The following SIRT1 variants were observed in gnomAD, a reference collection of about 807,000 sequenced individuals.
SIRT1 encodes sirtuin 1, also known as NAD-dependent protein deacetylase sirtuin-1.
SIRT1 carries 24 observed loss-of-function variants against 67.9 expected under a neutral mutation model. That is an observed-to-expected ratio of 0.35 (90% confidence interval 0.26 to 0.50). The LOEUF is 0.50. Ranked by LOEUF, SIRT1 falls within the 20% of genes least tolerant of loss-of-function variation. The probability of loss-of-function intolerance (pLI) is 0.98; values close to 1 mark genes in which losing one functional copy is unlikely to be tolerated. For missense variants in SIRT1, 873 were observed against 937.2 expected, an observed-to-expected ratio of 0.93 and a Z score of 0.89; for synonymous variants, 378 against 350.7, an observed-to-expected ratio of 1.08 and a Z score of -0.87.
rs868722110 is a variant in SIRT1 at position 67,885,049 on chromosome 10, C to G, written c.328C>G (p.Pro110Ala). The change falls in exon 1 of 9, where the codon CCA (proline) becomes GCA (alanine). Residue 110 changes from proline (P) to alanine (A), a missense_variant. Pro to Ala is a conservative substitution (Grantham distance 27). Around this residue, in one of 3 missense-constraint regions of SIRT1, gnomAD observed 327 missense variants for 283.9 expected, o/e 1.15. Transcript: ENST00000212015. ...AGACAATGGGCCGGGCCTGCAGGGC[C>G]CATCTCGGGAGCCACCGCTGGCCGA... is the stretch of plus-strand genomic sequence containing the variant. ...EGDNGPGLQGPSREPPLADNL... is the reference protein window; with the variant it reads ...EGDNGPGLQGASREPPLADNL... 5 of 1,425,790 alleles carry G rather than the reference C, an allele frequency of 3.5e-6. No individual in the cohort carries two copies. The highest frequency in any genetic ancestry group is 1.8e-4 in the Middle Eastern group (1 of 5,460). The allele number at this position is 1,425,790 out of a possible 1,614,324, so 88.3% of individuals were successfully genotyped here. A position where few individuals can be genotyped will look rare whatever the true frequency, so the allele number is the denominator to read the frequency against.
intron 4 of SIRT1, among the ~76,000 whole-genome samples, chr10:67,903,469 C>T (rs1842773698): frequency 6.6e-6 from 1 of 151,414 alleles, no homozygotes; most frequent in Admixed American, 6.6e-5. Context: ...ACTACAAGCT[C>T]CACCTCCTGG....
In SIRT1 at chr10:67,909,297, T is replaced by G; in HGVS notation, c.1212T>G (p.Leu404=). 6.2e-7 allele frequency: 1 copy of G among 1,612,534 alleles called. No individual in the cohort carries two copies. Among genetic ancestry groups the G allele is most frequent in the Non-Finnish European group, 8.5e-7 (1 of 1,179,532 alleles). ...RCPRCPADEP[L]AIMKPEIVFF... ...CTAGGTGCCCAGCTGATGAACCGCT[T>G]GCTATCATGAAACCAGAGATTGTGT... The change falls in exon 7 of 9, where the codon CTT becomes CTG. Residue 404 remains leucine, a synonymous_variant. Transcript: ENST00000212015.
At position 67,917,928 on chromosome 10, in the gene SIRT1, A is replaced by ATAC. The variant is rs1564897392; in HGVS notation, c.*1336_*1337insACT. 1 of 152,470 alleles carries ATAC rather than the reference A, an allele frequency of 6.6e-6. No individual in the cohort carries two copies. Among genetic ancestry groups the ATAC allele is most frequent in the Non-Finnish European group, 1.5e-5 (1 of 68,034 alleles). The allele number at this position is 152,470 out of a possible 1,614,324, so 9.4% of individuals were successfully genotyped here. A position where few individuals can be genotyped will look rare whatever the true frequency, so the allele number is the denominator to read the frequency against. ...GACCATTTTTGAACATCACTCCTAA[A>ATAC]TTAATAAAGTATTCCTCTGTTGCTT... On this transcript the variant is annotated 3_prime_UTR_variant, in exon 9 of 9. Transcript: ENST00000212015.
chr10:67,895,306 C>T (rs1842636649), intron 4 of SIRT1, among the ~76,000 whole-genome samples: 1 of 152,112 alleles, frequency 6.6e-6, no homozygotes, highest in Admixed American at 6.6e-5. Context: ...CCTGTCGTCC[C>T]AGCTACGCAG....
chr10:67,907,573 T>A (rs1408253227), intron 5 of SIRT1, among the ~76,000 whole-genome samples: 1 of 152,092 alleles, frequency 6.6e-6, no homozygotes, highest in Non-Finnish European at 1.5e-5. Context: ...CATCTTTAGT[T>A]TATGAAACTA....
chr10:67,918,389 T>TAA (rs1301861528), exon 9 of SIRT1: 1 of 152,644 alleles, frequency 6.6e-6, no homozygotes, highest in East Asian at 1.9e-4. Flanking sequence ...TCTGTTAACT[T>TAA]ACATTGTTTA....
rs955794368 is a variant in SIRT1, at chr10:67,884,735, C to T, written c.14C>T (p.Ala5Val). The T allele has an allele frequency of 3.3e-6, 4 of 1,228,634 alleles. No homozygotes were observed. In the African/African-American group the frequency reaches 4.7e-5, roughly 14 times the overall value. The allele number at this position is 1,228,634 out of a possible 1,614,324, so 76.1% of individuals were successfully genotyped here. MADE[A>V]ALALQPGGSP... ...GGCAGTTGGAAGATGGCGGACGAGG[C>T]GGCCCTCGCCCTTCAGCCCGGCGGC... is the stretch of plus-strand genomic sequence containing the variant. Residue 5 changes from alanine (A) to valine (V), a missense_variant, in exon 1 of 9, where the codon GCG (alanine) becomes GTG (valine). This residue lies in a region of SIRT1 where 327 missense variants were observed against 283.9 expected (regional missense o/e 1.15). Transcript: ENST00000212015.
At chr10:67,907,050 T>A in intron 5 of SIRT1, 113 bp downstream of exon 5, 1 of 931,774 alleles carries the variant, frequency 1.1e-6, no homozygotes, top group Middle Eastern at 2.6e-4. Flanking sequence ...TTAATCATGT[T>A]ATCTCATTTA....
At chr10:67,895,884 G>A (rs936231700) in intron 4 of SIRT1, among the ~76,000 whole-genome samples, 10 of 151,754 alleles carry the variant, frequency 6.6e-5, no homozygotes, top group Non-Finnish European at 1.3e-4. Context: ...TGGGATTACA[G>A]GTGCCCATCA....
In SIRT1 at chr10:67,891,569, T is replaced by G. The variant is rs746675681; in HGVS notation, c.942+15T>G. ...AGTTTGCAAAGGTACTATGAACTCT[T>G]CTGGTTGTTTCTTTGGCCTTCTCTC... is the stretch of plus-strand genomic sequence containing the variant. On this transcript the variant is annotated intron_variant, in intron 4 of 8. Transcript: ENST00000212015. 5 of 1,612,096 alleles carry G rather than the reference T, an allele frequency of 3.1e-6. No homozygotes were observed. In the South Asian group the frequency reaches 5.5e-5, roughly 18 times the overall value.
chr10:67,889,137 G>A lies in SIRT1; in HGVS notation c.789+14G>A. 1.3e-6 allele frequency: 2 copies of A among 1,579,404 alleles called. No homozygotes were observed. Among genetic ancestry groups the A allele is most frequent in the Non-Finnish European group, 1.7e-6 (2 of 1,171,914 alleles). ...ACTGGAGCTGGGGTATGTAAGACTA[G>A]TACATGGGGAGGTCGTATATGTATT... is the stretch of plus-strand genomic sequence containing the variant. On this transcript the variant is annotated intron_variant, in intron 3 of 8. Transcript: ENST00000212015.
intron 4 of SIRT1, chr10:67,906,253 G>C: frequency 6.3e-7 from 1 of 1,584,468 alleles, no homozygotes; most frequent in Non-Finnish European, 8.6e-7. Context: ...TACTATACCA[G>C]TATGTGCCTG....
chr10:67,901,044 G>A (rs1473398472), intron 4 of SIRT1, among the ~76,000 whole-genome samples: 2 of 152,284 alleles, frequency 1.3e-5, no homozygotes, highest in South Asian at 2.1e-4. Flanking sequence ...CATTTGGTTC[G>A]TAATATGTAA....
intron 4 of SIRT1, among the ~76,000 whole-genome samples, 180 bp downstream of exon 4, chr10:67,891,734 A>G (rs533130534): frequency 5.3e-5 from 8 of 152,218 alleles, no homozygotes; most frequent in Admixed American, 3.9e-4. Flanking sequence ...ACTATTATCT[A>G]CTTCATTTTA....
intron 8 of SIRT1, among the ~76,000 whole-genome samples, chr10:67,913,611 C>T (rs1842933954): frequency 1.3e-5 from 2 of 152,164 alleles, no homozygotes; most frequent in Non-Finnish European, 2.9e-5. Flanking sequence ...CTGTTTAGAA[C>T]ATGCATAGTC....
intron 1 of SIRT1, among the ~76,000 whole-genome samples, chr10:67,885,749 TTAG>T (rs1842468196): frequency 6.6e-6 from 1 of 152,146 alleles, no homozygotes; most frequent in African/African-American, 2.4e-5. Flanking sequence ...TGTAATGCAG[TTAG>T]GAGTGGGTAT....
At chr10:67,908,730 C>T (rs12242965) in intron 6 of SIRT1, among the ~76,000 whole-genome samples, 81,220 of 151,546 alleles carry the variant, frequency 0.54, 23,334 homozygotes, top group Non-Finnish European at 0.66. Context: ...GGCAAAACCC[C>T]GTCTCTCTTA....
intron 6 of SIRT1, among the ~76,000 whole-genome samples, chr10:67,908,712 G>A (rs1263194380): frequency 1.3e-5 from 2 of 152,144 alleles, no homozygotes; most frequent in East Asian, 1.9e-4. Flanking sequence ...GACCAGCCTG[G>A]CCAACATGGC....
At chr10:67,891,172 A>G (rs1197491081) in intron 3 of SIRT1, among the ~76,000 whole-genome samples, 1 of 152,230 alleles carries the variant, frequency 6.6e-6, no homozygotes, top group East Asian at 1.9e-4. Flanking sequence ...GCCTGACTTA[A>G]AAATTCCTTA....
Sources: gnomAD v4.1 joint callset for allele counts (sites outside exome capture counted in the v4.1 genomes callset) on GRCh38, gnomAD v4.1.1 for gene constraint, gnomAD v4.1.1 regional missense constraint, MANE v1.5 for transcripts, NCBI Gene and HGNC (gene_info 2026-07-23, HGNC 2026-07-21) for gene names.